LRRC49: variants seen among roughly 807,000 people sequenced by gnomAD.
LRRC49 encodes leucine-rich repeat-containing protein 49.
A neutral mutation model predicts 83.3 loss-of-function variants in LRRC49; 50 were observed. The observed-to-expected ratio is 0.60, with a 90% confidence interval of 0.48 to 0.76. The LOEUF (loss-of-function observed/expected upper bound fraction) is 0.76, where lower values mean the gene tolerates loss of function less well. Ranked by LOEUF, LRRC49 falls within the 30% of genes least tolerant of loss-of-function variation. The probability of loss-of-function intolerance (pLI) is 0.00; values close to 1 mark genes in which losing one functional copy is unlikely to be tolerated. For missense variants in LRRC49, 704 were observed against 809.1 expected (o/e 0.87, Z 1.58); for synonymous variants, 286 against 283.3 (o/e 1.01, Z -0.10).
chr15:71,002,684 A>T (rs992704686), intron 11 of LRRC49, among the ~76,000 whole-genome samples: 1 of 152,188 alleles, frequency 6.6e-6, no homozygotes, highest in Non-Finnish European at 1.5e-5. Flanking sequence ...ATAAATTATT[A>T]TAGGAATCAG....
chr15:70,936,977 G>A (rs933839322), intron 8 of LRRC49, among the ~76,000 whole-genome samples, 155 bp downstream of exon 8: 1 of 152,216 alleles, frequency 6.6e-6, no homozygotes, highest in African/African-American at 2.4e-5. Context: ...GAAAAGCAAA[G>A]CTCTTGTGTG....
At chr15:71,027,674 A>G (rs2039219172) in intron 14 of LRRC49, among the ~76,000 whole-genome samples, 1 of 152,082 alleles carries the variant, frequency 6.6e-6, no homozygotes, top group South Asian at 2.1e-4. Flanking sequence ...TGTAAGTTGT[A>G]TTCCTAGGTA....
chr15:70,892,173 C>T, upstream of LRRC49: 3 of 1,611,226 alleles, frequency 1.9e-6, no homozygotes, highest in Middle Eastern at 1.7e-4. Context: ...ACGAAGCGGT[C>T]CCAGAGCAGC....
chr15:70,936,903 C>G (rs2035619710), intron 8 of LRRC49, 81 bp downstream of exon 8: 1 of 884,680 alleles, frequency 1.1e-6, no homozygotes, highest in African/African-American at 1.7e-5. Context: ...TTGTAAATAC[C>G]TTGGAGAATT....
At chr15:70,929,062 A>G (rs2035315395) in intron 7 of LRRC49, among the ~76,000 whole-genome samples, 1 of 151,982 alleles carries the variant, frequency 6.6e-6, no homozygotes, top group African/African-American at 2.4e-5. Flanking sequence ...ATCTGGTTCT[A>G]CCTTTGAATT....
intron 7 of LRRC49, among the ~76,000 whole-genome samples, chr15:70,927,566 G>T (rs2035248730): frequency 1.3e-5 from 2 of 152,102 alleles, no homozygotes; most frequent in African/African-American, 4.8e-5. Flanking sequence ...CCAATATCAT[G>T]ACTATGTTCA....
chr15:70,900,315 C>G (rs1288893889), intron 3 of LRRC49: 3 of 377,480 alleles, frequency 7.9e-6, no homozygotes, highest in African/African-American at 6.3e-5. Flanking sequence ...GATTTACTGA[C>G]ATCCACTTTG....
chr15:71,049,076 A>T (rs1265258339), intron 15 of LRRC49, among the ~76,000 whole-genome samples: 2 of 152,234 alleles, frequency 1.3e-5, no homozygotes, highest in Non-Finnish European at 2.9e-5. Context: ...GTGAGTCTGC[A>T]TTCAGCTGAC....
chr15:70,956,827 A>T (rs1264524390), intron 8 of LRRC49, among the ~76,000 whole-genome samples: 1 of 152,216 alleles, frequency 6.6e-6, no homozygotes, highest in Non-Finnish European at 1.5e-5. Flanking sequence ...ATTTATTTTT[A>T]CTTTAATAAA....
intron 1 of LRRC49, among the ~76,000 whole-genome samples, chr15:70,862,277 C>T (rs2032807755): frequency 6.6e-6 from 1 of 151,966 alleles, no homozygotes; most frequent in Non-Finnish European, 1.5e-5. Context: ...ACCTGGGGGG[C>T]TTTTAAAAAT....
upstream of LRRC49, among the ~76,000 whole-genome samples, chr15:70,890,683 G>A (rs1001964070): frequency 6.6e-6 from 1 of 152,186 alleles, no homozygotes; most frequent in Non-Finnish European, 1.5e-5. Flanking sequence ...CAAGGGGAAA[G>A]ATGTTTAGCT....
At chr15:70,998,227 A>T (rs1218066992) in intron 11 of LRRC49, among the ~76,000 whole-genome samples, 3 of 152,150 alleles carry the variant, frequency 2.0e-5, no homozygotes, top group African/African-American at 7.2e-5. Flanking sequence ...CCACCTTAAA[A>T]ATTCAGTAAT....
intron 7 of LRRC49, among the ~76,000 whole-genome samples, chr15:70,924,649 G>C (rs2035129865): frequency 6.6e-6 from 1 of 151,804 alleles, no homozygotes; most frequent in Non-Finnish European, 1.5e-5. Context: ...TTTCCAGTCA[G>C]TGCTTATTTG....
At chr15:71,041,635 A>G (rs2039701710) in intron 15 of LRRC49, among the ~76,000 whole-genome samples, 1 of 152,214 alleles carries the variant, frequency 6.6e-6, no homozygotes, top group Non-Finnish European at 1.5e-5. Context: ...ATGGAAAAAC[A>G]TGCCATGTTT....
chr15:71,031,892 G>C (rs2039365923), intron 14 of LRRC49, among the ~76,000 whole-genome samples: 1 of 152,176 alleles, frequency 6.6e-6, no homozygotes, highest in African/African-American at 2.4e-5. Context: ...TGTGCTGGCA[G>C]TGAGAATTTC....
chr15:70,954,973 G>A (rs970582251), intron 8 of LRRC49, among the ~76,000 whole-genome samples: 1 of 152,034 alleles, frequency 6.6e-6, no homozygotes, highest in Non-Finnish European at 1.5e-5. Flanking sequence ...GGCACCGTGG[G>A]CTTGGGAGGT....
chr15:70,982,166 AGTG>A (rs1178509662), intron 10 of LRRC49, among the ~76,000 whole-genome samples: 1 of 152,042 alleles, frequency 6.6e-6, no homozygotes, highest in African/African-American at 2.4e-5. Context: ...TAACATACTC[AGTG>A]GTCTAAAGAT....
chr15:70,891,485 G>A (rs188880705), upstream of LRRC49, among the ~76,000 whole-genome samples: 45 of 152,112 alleles, frequency 3.0e-4, 1 homozygote, highest in African/African-American at 1.0e-3. Flanking sequence ...CAATCCTGGA[G>A]ATTTGCTCAA....
chr15:70,896,730 A>G (rs1361213323), intron 3 of LRRC49, among the ~76,000 whole-genome samples: 1 of 152,194 alleles, frequency 6.6e-6, no homozygotes, highest in African/African-American at 2.4e-5. Context: ...AGGGCTGATC[A>G]GTATAGGCCT....
Sources: gnomAD v4.1 joint callset for allele counts (sites outside exome capture counted in the v4.1 genomes callset) on GRCh38, gnomAD v4.1.1 for gene constraint, MANE v1.5 for transcripts, NCBI Gene and HGNC (gene_info 2026-07-23, HGNC 2026-07-21) for gene names.